RAD51B: variants seen among roughly 807,000 people sequenced by gnomAD.
RAD51B encodes the protein DNA repair protein RAD51 homolog 2.
RAD51B carries 38 observed loss-of-function variants against 42.2 expected under a neutral mutation model. That is an observed-to-expected ratio of 0.90 (90% CI 0.70 to 1.18). RAD51B has a LOEUF of 1.18. Among genes scored for constraint, RAD51B ranks in the 50% most tolerant of loss-of-function variants. The pLI is 0.00. For synonymous variants in RAD51B, 154 were observed against 145.2 expected, an observed-to-expected ratio of 1.06 and a Z score of -0.43; for missense variants, 373 against 400.7, an observed-to-expected ratio of 0.93 and a Z score of 0.59.
chr14:68,147,719 T>G (rs2078281745), intron 7 of RAD51B, among the ~76,000 whole-genome samples: 1 of 151,810 alleles, frequency 6.6e-6, no homozygotes, highest in Non-Finnish European at 1.5e-5. Flanking sequence ...TTTAAACAAC[T>G]CTTACGGAAG....
At chr14:68,468,292 A>T in intron 10 of RAD51B, 42 bp downstream of exon 10, 1 of 1,555,446 alleles carries the variant, frequency 6.4e-7, no homozygotes, top group Non-Finnish European at 8.9e-7. Context: ...GCTTATGCTC[A>T]GTGCTGCCCA....
At chr14:68,678,500 G>T (rs1893359654) in intron 11 of RAD51B, among the ~76,000 whole-genome samples, 1 of 147,044 alleles carries the variant, frequency 6.8e-6, no homozygotes, top group Non-Finnish European at 1.5e-5. Flanking sequence ...AGAGATTACA[G>T]TCTAGTGAAT....
In RAD51B at chr14:68,272,430, T is replaced by C. The variant is rs1411574306; in HGVS notation, c.757-19454T>C. 2.6e-5 allele frequency among the ~76,000 whole-genome samples: 4 copies of C among 151,806 alleles called. No individual in the cohort carries two copies. The East Asian group carries it at 5.8e-4, about 22-fold the overall frequency. On this transcript the variant is annotated intron_variant, in intron 7 of 10. Transcript: ENST00000471583. ...GTATGACCCTGACCAAATTATTCAA[T>C]GTTGCCATATCTTATTTTCCATCTT...
chr14:68,304,442 G>T (rs963080316), intron 8 of RAD51B, among the ~76,000 whole-genome samples: 7 of 152,188 alleles, frequency 4.6e-5, no homozygotes, highest in Non-Finnish European at 8.8e-5. Flanking sequence ...CTCTTGACCA[G>T]TATACCATAC....
At chr14:68,096,255 A>G (rs181180684) in intron 7 of RAD51B, among the ~76,000 whole-genome samples, 3 of 152,346 alleles carry the variant, frequency 2.0e-5, no homozygotes, top group East Asian at 1.9e-4. Flanking sequence ...AAGCTGCACC[A>G]TAGAAAATTT....
chr14:68,388,078 G>GTATATA (rs1198304118), intron 8 of RAD51B, among the ~76,000 whole-genome samples: 29 of 112,206 alleles, frequency 2.6e-4, no homozygotes, highest in African/African-American at 5.6e-4. Flanking sequence ...GTGTGTGTGT[G>GTATATA]TATATATATA....
rs146217731 is a variant in RAD51B, at chr14:68,082,731, C to A, written c.756+195527C>A. On this transcript the variant is annotated intron_variant, in intron 7 of 10. Transcript: ENST00000471583. ...TAATTTTTTTTTAACTAGGTCCTTACTGATGGACATTTATGTTGTTGCCAG... is the reference window on the plus strand; with the variant it reads ...TAATTTTTTTTTAACTAGGTCCTTAATGATGGACATTTATGTTGTTGCCAG... Among the ~76,000 whole-genome samples the A allele has an allele frequency of 7.6e-4, 116 of 152,096 alleles. No individual in the cohort carries two copies. In the East Asian group the frequency reaches 0.018, roughly 24 times the overall value.
At chr14:68,589,374 T>G (rs1890635538) in intron 10 of RAD51B, among the ~76,000 whole-genome samples, 1 of 152,204 alleles carries the variant, frequency 6.6e-6, no homozygotes, top group Non-Finnish European at 1.5e-5. Context: ...TCACTTTTTT[T>G]TCTTTAGCTG....
At chr14:68,145,610 CCT>C (rs1333643584) in intron 7 of RAD51B, among the ~76,000 whole-genome samples, 3 of 152,066 alleles carry the variant, frequency 2.0e-5, no homozygotes, top group Non-Finnish European at 4.4e-5. Context: ...GTATTCTGAG[CCT>C]CTCTTGTTCA....
chr14:68,158,328 T>C (rs1312139524), intron 7 of RAD51B, among the ~76,000 whole-genome samples: 1 of 152,216 alleles, frequency 6.6e-6, no homozygotes, highest in Admixed American at 6.5e-5. Flanking sequence ...ATGGTATAAT[T>C]CTTCAGTGTA....
At chr14:68,298,080 A>C (rs1415139849) in intron 8 of RAD51B, among the ~76,000 whole-genome samples, 1 of 152,188 alleles carries the variant, frequency 6.6e-6, no homozygotes, top group Non-Finnish European at 1.5e-5. Context: ...GACTGGGCAT[A>C]TGTCTTCCAG....
chr14:67,992,970 G>T (rs931530018), intron 7 of RAD51B, among the ~76,000 whole-genome samples: 1 of 151,964 alleles, frequency 6.6e-6, no homozygotes, highest in African/African-American at 2.4e-5. Flanking sequence ...AGTGCTGGTC[G>T]CTCTGCTAGG....
chr14:67,912,967 G>A (rs1184501109), intron 7 of RAD51B, among the ~76,000 whole-genome samples: 2 of 152,128 alleles, frequency 1.3e-5, no homozygotes, highest in African/African-American at 4.8e-5. Flanking sequence ...GCCTCCCAAA[G>A]TGCTGGGATT....
chr14:67,912,157 A>G (rs1348513392), intron 7 of RAD51B, among the ~76,000 whole-genome samples: 2 of 152,218 alleles, frequency 1.3e-5, no homozygotes, highest in Non-Finnish European at 2.9e-5. Flanking sequence ...GTCTGTAGCC[A>G]GATATTTTGG....
chr14:67,929,641 C>T (rs2044653045), intron 7 of RAD51B, among the ~76,000 whole-genome samples: 1 of 152,112 alleles, frequency 6.6e-6, no homozygotes, highest in African/African-American at 2.4e-5. Context: ...TATTTTCTGT[C>T]TAGATGATCT....
intron 7 of RAD51B, among the ~76,000 whole-genome samples, chr14:67,962,226 G>C (rs923232097): frequency 1.3e-5 from 2 of 152,110 alleles, no homozygotes; most frequent in African/African-American, 4.8e-5. Flanking sequence ...CTGATATGAA[G>C]TTGAAAGGAT....
At chr14:68,386,234 A>G (rs927933149) in intron 8 of RAD51B, among the ~76,000 whole-genome samples, 4 of 152,152 alleles carry the variant, frequency 2.6e-5, no homozygotes, top group Non-Finnish European at 5.9e-5. Flanking sequence ...TCCATCTGCT[A>G]TGTGTCTCTC....
At chr14:68,576,949 C>T (rs538701417) in intron 10 of RAD51B, among the ~76,000 whole-genome samples, 23 of 152,266 alleles carry the variant, frequency 1.5e-4, no homozygotes, top group Non-Finnish European at 2.4e-4. Context: ...TAGATGAAAG[C>T]GGAACCAACA....
At chr14:68,283,478 C>T (rs888662930) in intron 7 of RAD51B, among the ~76,000 whole-genome samples, 5 of 152,182 alleles carry the variant, frequency 3.3e-5, no homozygotes, top group Admixed American at 1.3e-4. Flanking sequence ...CTTTTTTGGC[C>T]TCATACTAAC....
Sources: allele counts gnomAD v4.1 joint callset (sites outside exome capture counted in the v4.1 genomes callset), GRCh38; gene constraint gnomAD v4.1.1; transcripts MANE v1.5; gene names NCBI Gene and HGNC (gene_info 2026-07-23, HGNC 2026-07-21).